The following ITFG1 variants were observed in gnomAD, a reference collection of about 807,000 sequenced individuals.
The protein encoded by ITFG1 is integrin alpha FG-GAP repeat containing 1.
A neutral mutation model predicts 81.8 loss-of-function variants in ITFG1; 34 were observed. The ratio of observed to expected loss-of-function variants is 0.42; its 90% CI spans 0.32 to 0.55. The LOEUF is 0.55. Among genes scored for constraint, ITFG1 ranks in the 20% least tolerant of loss-of-function variants. The probability of loss-of-function intolerance (pLI) is 0.17; values close to 1 mark genes in which losing one functional copy is unlikely to be tolerated. For missense variants in ITFG1, 672 were observed against 755.4 expected, an observed-to-expected ratio of 0.89 and a Z score of 1.29; for synonymous variants, 285 against 270.6, an observed-to-expected ratio of 1.05 and a Z score of -0.52.
intron 14 of ITFG1, among the ~76,000 whole-genome samples, chr16:47,196,095 T>C (rs1015151151): frequency 1.3e-5 from 2 of 152,236 alleles, no homozygotes; most frequent in Non-Finnish European, 2.9e-5. Flanking sequence ...AGAAGGTAGC[T>C]GTAATTCTAA....
At chr16:47,324,469 C>G (rs1021869089) in intron 8 of ITFG1, among the ~76,000 whole-genome samples, 1 of 152,148 alleles carries the variant, frequency 6.6e-6, no homozygotes, top group Non-Finnish European at 1.5e-5. Context: ...ATGACAGGAT[C>G]AAATTCACAC....
At chr16:47,401,723 A>T (rs1449199647) in intron 6 of ITFG1, among the ~76,000 whole-genome samples, 1 of 151,878 alleles carries the variant, frequency 6.6e-6, no homozygotes, top group East Asian at 1.9e-4. Flanking sequence ...TGTGCAAAGC[A>T]CTCTTTATGT....
intron 8 of ITFG1, among the ~76,000 whole-genome samples, chr16:47,336,876 T>C (rs182211465): frequency 2.0e-5 from 3 of 151,478 alleles, no homozygotes; most frequent in Non-Finnish European, 4.4e-5. Flanking sequence ...GGGAGAAGAA[T>C]TGTCTGAACC....
intron 7 of ITFG1, among the ~76,000 whole-genome samples, chr16:47,372,179 C>T (rs1053916849): frequency 1.3e-5 from 2 of 152,168 alleles, no homozygotes; most frequent in African/African-American, 4.8e-5. Flanking sequence ...TACCTACTTT[C>T]TTCCTTGAGT....
chr16:47,451,838 G>A (rs919392388), intron 4 of ITFG1, among the ~76,000 whole-genome samples: 4 of 152,118 alleles, frequency 2.6e-5, no homozygotes, highest in Non-Finnish European at 4.4e-5. Flanking sequence ...AAATAAATTC[G>A]TTTTGTGAGA....
At chr16:47,439,223 A>G (rs1969211647) in intron 5 of ITFG1, among the ~76,000 whole-genome samples, 1 of 152,222 alleles carries the variant, frequency 6.6e-6, no homozygotes, top group South Asian at 2.1e-4. Context: ...TGTACTTGAA[A>G]GTGATGGGGA....
intron 13 of ITFG1, among the ~76,000 whole-genome samples, chr16:47,222,461 C>T (rs1231788640): frequency 2.7e-5 from 4 of 150,488 alleles, no homozygotes; most frequent in South Asian, 2.1e-4. Flanking sequence ...TCGCCCAGGC[C>T]GGAGTGCAGT....
intron 10 of ITFG1, among the ~76,000 whole-genome samples, chr16:47,278,946 C>G (rs1391982110): frequency 2.0e-5 from 3 of 152,108 alleles, no homozygotes; most frequent in Non-Finnish European, 2.9e-5. Flanking sequence ...GTTTAACATT[C>G]ATAAAAAATT....
rs1969423268 is a variant in ITFG1 at position 47,454,178 on chromosome 16, A to T, written c.282-20T>A. The T allele has an allele frequency of 6.3e-7, 1 of 1,578,632 alleles. No individual in the cohort carries two copies. The highest frequency in any genetic ancestry group is 1.4e-5 in the African/African-American group (1 of 73,874). ...TGATTCCTAAAAGAAACAAGCATTT[A>T]CAAATATCAGACAAGTTGTAATGGA... On this transcript the variant is annotated intron_variant, in intron 2 of 17. Transcript: ENST00000320640.
At chr16:47,244,246 C>T (rs1301442424) in intron 12 of ITFG1, among the ~76,000 whole-genome samples, 1 of 152,124 alleles carries the variant, frequency 6.6e-6, no homozygotes, top group Non-Finnish European at 1.5e-5. Context: ...CTGTGAGCTG[C>T]TCTAGCAAAT....
intron 14 of ITFG1, among the ~76,000 whole-genome samples, chr16:47,178,653 G>A (rs1172089029): frequency 4.6e-5 from 7 of 152,234 alleles, no homozygotes; most frequent in Non-Finnish European, 1.0e-4. Context: ...TACCATTCAG[G>A]ACATAGCTAT....
In ITFG1 at chr16:47,311,415, A is replaced by G. The variant is rs1184472918; in HGVS notation, c.898-3T>C. On this transcript the variant is annotated splice_region_variant and splice_polypyrimidine_tract_variant and intron_variant, in intron 9 of 17. Transcript: ENST00000320640. ...AAATCTTGTAGGACTGGAACCCACT[A>G]TGGATTAAGAGAAAAAGATCAGACT... 1 of 1,596,592 alleles carries G rather than the reference A, an allele frequency of 6.3e-7. No homozygotes were observed. The highest frequency in any genetic ancestry group is 8.5e-7 in the Non-Finnish European group (1 of 1,172,538).
intron 6 of ITFG1, among the ~76,000 whole-genome samples, chr16:47,413,884 G>A (rs909303956): frequency 3.9e-5 from 6 of 152,158 alleles, no homozygotes; most frequent in East Asian, 1.9e-4. Context: ...GTGATGGTGC[G>A]ATCTTGGCTC....
intron 8 of ITFG1, among the ~76,000 whole-genome samples, chr16:47,325,817 C>T (rs888600962): frequency 2.6e-5 from 4 of 152,056 alleles, no homozygotes; most frequent in African/African-American, 7.2e-5. Flanking sequence ...GGCTCTGAAA[C>T]TGAGGCAATA....
chr16:47,203,660 C>T (rs999907058), intron 14 of ITFG1, among the ~76,000 whole-genome samples: 10 of 152,160 alleles, frequency 6.6e-5, no homozygotes, highest in African/African-American at 2.2e-4. Context: ...TGACAGGAGG[C>T]AGAGCTCAGG....
At chr16:47,278,085 T>C (rs1966416625) in intron 10 of ITFG1, among the ~76,000 whole-genome samples, 2 of 152,214 alleles carry the variant, frequency 1.3e-5, no homozygotes, top group South Asian at 4.1e-4. Flanking sequence ...TCCTATTGTC[T>C]AAAGGGGAGA....
rs1262750817 is a variant in ITFG1 at position 47,155,503 on chromosome 16, T to A, written c.*216A>T. ...ACAAAGGAACAAAAATGTACAGCACTACAGAATAGAGAACCCAAATTTTTA... is the reference window on the plus strand; with the variant it reads ...ACAAAGGAACAAAAATGTACAGCACAACAGAATAGAGAACCCAAATTTTTA... On this transcript the variant is annotated 3_prime_UTR_variant, in exon 18 of 18. Coordinates refer to ENST00000320640, the MANE Select transcript of ITFG1 (RefSeq NM_030790.5). 4 of 381,774 alleles carry A rather than the reference T, an allele frequency of 1.0e-5. No individual in the cohort carries two copies. Among genetic ancestry groups the A allele is most frequent in the Non-Finnish European group, 1.9e-5 (4 of 215,252 alleles). The allele number at this position is 381,774 out of a possible 1,614,324, so 23.6% of individuals were successfully genotyped here. A position where few individuals can be genotyped will look rare whatever the true frequency, so the allele number is the denominator to read the frequency against.
At chr16:47,444,447 C>G (rs1359739351) in intron 5 of ITFG1, among the ~76,000 whole-genome samples, 1 of 151,994 alleles carries the variant, frequency 6.6e-6, no homozygotes, top group Non-Finnish European at 1.5e-5. Context: ...AACACTATGC[C>G]TTTCTCATTT....
rs1306355895 is a variant in ITFG1 at position 47,336,762 on chromosome 16, A to G, written c.803-22939T>C. Among the ~76,000 whole-genome samples the G allele has an allele frequency of 3.3e-5, 5 of 152,160 alleles. No homozygotes were observed. The South Asian group carries it at 1.0e-3, about 32-fold the overall frequency. ...CGGGTCACCTGAGGTCAGGAGTTCT[A>G]GACCTGCCTGGCCAACATGGCAAAA... On this transcript the variant is annotated intron_variant, in intron 8 of 17. Transcript: ENST00000320640.
Sources: allele counts gnomAD v4.1 joint callset (sites outside exome capture counted in the v4.1 genomes callset), GRCh38; gene constraint gnomAD v4.1.1; transcripts MANE v1.5; gene names NCBI Gene and HGNC (gene_info 2026-07-23, HGNC 2026-07-21).